TMEM30A: variants seen among roughly 807,000 people sequenced by gnomAD.
TMEM30A encodes the protein cell cycle control protein 50A.
Under a neutral mutation model 38.2 loss-of-function variants are expected in TMEM30A, and 24 were observed. That is an observed-to-expected ratio of 0.63 (90% CI 0.46 to 0.88). The LOEUF is 0.88. TMEM30A is among the 40% of genes least tolerant of loss of function. TMEM30A has a pLI of 0.00. For missense variants in TMEM30A, 370 were observed against 458.6 expected, an observed-to-expected ratio of 0.81 and a Z score of 1.77; for synonymous variants, 145 against 161.6, an observed-to-expected ratio of 0.90 and a Z score of 0.78.
chr6:75,282,679 C>G (rs1184990812), intron 1 of TMEM30A, among the ~76,000 whole-genome samples: 1 of 152,202 alleles, frequency 6.6e-6, no homozygotes, highest in Non-Finnish European at 1.5e-5. Context: ...AACTAGTTTA[C>G]TGTCAAATCT....
At position 75,284,726 on chromosome 6, in the gene TMEM30A, C is replaced by T; in HGVS notation, c.-88G>A. The T allele has an allele frequency of 7.3e-7, 1 of 1,378,804 alleles. No homozygotes were observed. 85.4% of individuals were successfully genotyped at this position (1,378,804 alleles called of 1,614,324 possible). Reference sequence around the variant, plus strand: ...CCTGACAGGAACCGCTCGAGCGCCGCTGCCGCCGCCGCCGCCGCAGCCACC... The same window carrying T: ...CCTGACAGGAACCGCTCGAGCGCCGTTGCCGCCGCCGCCGCCGCAGCCACC... On this transcript the variant is annotated 5_prime_UTR_variant, in exon 1 of 7. Transcript: ENST00000230461.
chr6:75,269,139 G>A (rs752524201), intron 1 of TMEM30A, among the ~76,000 whole-genome samples: 2 of 151,900 alleles, frequency 1.3e-5, no homozygotes, highest in Non-Finnish European at 2.9e-5. Flanking sequence ...TGCTATAATC[G>A]ACGAACCTAC....
intron 1 of TMEM30A, among the ~76,000 whole-genome samples, chr6:75,272,143 G>C (rs1392481673): frequency 2.0e-5 from 3 of 152,198 alleles, no homozygotes; most frequent in Non-Finnish European, 2.9e-5. Flanking sequence ...ACTGTTTATT[G>C]AATGTATACT....
At chr6:75,266,501 A>G (rs1456144274) in intron 2 of TMEM30A, among the ~76,000 whole-genome samples, 1 of 152,230 alleles carries the variant, frequency 6.6e-6, no homozygotes, top group Admixed American at 6.5e-5. Context: ...CTGAGATAAA[A>G]TAACCTACTT....
intron 1 of TMEM30A, among the ~76,000 whole-genome samples, chr6:75,275,061 G>A (rs180759583): frequency 1.3e-5 from 2 of 150,790 alleles, no homozygotes; most frequent in East Asian, 2.0e-4. Flanking sequence ...TGTGAACCAT[G>A]AGCAACAACA....
At chr6:75,267,280 T>C (rs753727201) in intron 2 of TMEM30A, among the ~76,000 whole-genome samples, 29 of 152,224 alleles carry the variant, frequency 1.9e-4, no homozygotes, top group Admixed American at 4.6e-4. Flanking sequence ...AAAGTAAAGC[T>C]TGCTTTAGTA....
rs1341625612 is a variant in TMEM30A at position 75,255,519 on chromosome 6, C to T, written c.*583G>A. 4 of 152,448 alleles carry T rather than the reference C, an allele frequency of 2.6e-5. No homozygotes were observed. The highest frequency in any genetic ancestry group is 5.9e-5 in the Non-Finnish European group (4 of 68,000). 9.4% of individuals were successfully genotyped at this position (152,448 alleles called of 1,614,324 possible). ...CTTATGCCAGACAAGGTAAGCGTGT[C>T]CTTTGAAATCAAAGCTAAGCTTGAC... is the stretch of plus-strand genomic sequence containing the variant. On this transcript the variant is annotated 3_prime_UTR_variant, in exon 7 of 7. Coordinates refer to ENST00000230461, the MANE Select transcript of TMEM30A (RefSeq NM_018247.4).
At position 75,258,948 on chromosome 6, in the gene TMEM30A, T is replaced by C. The variant is rs772268316; in HGVS notation, c.724A>G (p.Met242Val). 1.2e-6 allele frequency: 2 copies of C among 1,613,846 alleles called. No homozygotes were observed. Among genetic ancestry groups the C allele is most frequent in the East Asian group, 2.2e-5 (1 of 44,860 alleles). The stretch of plus-strand genomic sequence containing the variant: ...TTATTATCTGGGTCAGAATCCAGCA[T>C]GTAAACTGGTTTAAGCCAGTTCACA... ...KPVNWLKPVYMLDSDPDNNGF... is the reference protein window; with the variant it reads ...KPVNWLKPVYVLDSDPDNNGF... The change falls in exon 6 of 7, where the codon ATG (methionine) becomes GTG (valine). Residue 242 changes from methionine (M) to valine (V), a missense_variant. By Grantham distance (21) the Met-to-Val change is conservative. Transcript: ENST00000230461.
intron 6 of TMEM30A, among the ~76,000 whole-genome samples, chr6:75,257,032 T>TA (rs2149517883): frequency 6.6e-6 from 1 of 152,286 alleles, no homozygotes; most frequent in African/African-American, 2.4e-5. Context: ...AATCTAGGGT[T>TA]AGGCCCCATC....
At position 75,265,286 on chromosome 6, in the gene TMEM30A, C is replaced by A; in HGVS notation, c.398G>T (p.Arg133Leu). The A allele has an allele frequency of 6.2e-7, 1 of 1,611,662 alleles. No individual in the cohort carries two copies. Among genetic ancestry groups the A allele is most frequent in the South Asian group, 1.1e-5 (1 of 90,902 alleles). ...ACTATCATCTCGAGATTTCACGTAA[C>A]GACGATGGTTTTGATAGAAATTAGA... ...GLSNFYQNHR[R>L]YVKSRDDSQL... Residue 133 changes from arginine (R) to leucine (L), a missense_variant, in exon 3 of 7, where the codon CGT becomes CTT. By Grantham distance (102) the Arg-to-Leu change is moderately radical. Coordinates refer to ENST00000230461, the MANE Select transcript of TMEM30A (RefSeq NM_018247.4).
At chr6:75,280,227 A>G (rs938649306) in intron 1 of TMEM30A, among the ~76,000 whole-genome samples, 2 of 152,180 alleles carry the variant, frequency 1.3e-5, no homozygotes, top group African/African-American at 4.8e-5. Context: ...ATTATTGAGG[A>G]CTAGAACATG....
intron 1 of TMEM30A, among the ~76,000 whole-genome samples, chr6:75,282,938 C>T (rs1248307137): frequency 6.6e-6 from 1 of 152,048 alleles, no homozygotes; most frequent in Non-Finnish European, 1.5e-5. Context: ...TGCATGACAC[C>T]GCTTTGCCCA....
In TMEM30A at chr6:75,284,737, G is replaced by A. The variant is rs1267758013; in HGVS notation, c.-99C>T. ...CCGCTCGAGCGCCGCTGCCGCCGCCGCCGCCGCAGCCACCAGCGCCACCGC... is the reference window on the plus strand; with the variant it reads ...CCGCTCGAGCGCCGCTGCCGCCGCCACCGCCGCAGCCACCAGCGCCACCGC... On this transcript the variant is annotated 5_prime_UTR_variant, in exon 1 of 7. Transcript: ENST00000230461. 2.5e-6 allele frequency: 3 copies of A among 1,178,324 alleles called. No homozygotes were observed. The highest frequency in any genetic ancestry group is 2.5e-6 in the Non-Finnish European group (2 of 808,826). 73.0% of individuals were successfully genotyped at this position (1,178,324 alleles called of 1,614,324 possible).
At chr6:75,256,783 A>G (rs767801312) in intron 6 of TMEM30A, 2 of 481,128 alleles carry the variant, frequency 4.2e-6, no homozygotes, top group Non-Finnish European at 8.3e-6. Context: ...GCATGGTAAT[A>G]AAAAAGTTTT....
At position 75,267,702 on chromosome 6, in the gene TMEM30A, A is replaced by G. The variant is rs770469174; in HGVS notation, c.284T>C (p.Leu95Ser). 1 of 1,611,742 alleles carries G rather than the reference A, an allele frequency of 6.2e-7. No individual in the cohort carries two copies. The highest frequency in any genetic ancestry group is 1.7e-5 in the Admixed American group (1 of 59,770). Residue 95 changes from leucine (L) to serine (S), a missense_variant, in exon 2 of 7, where the codon TTA becomes TCA. Physicochemically the swap from Leu to Ser is moderately radical, Grantham distance 145. Coordinates refer to ENST00000230461, the MANE Select transcript of TMEM30A (RefSeq NM_018247.4). The part of the protein sequence containing the change: ...TEPSSPCNKC[L>S]SPDVTPCFCT... ...AAAGCAAGGTGTCACATCCGGAGAT[A>G]AACATTTATTACAGGGACTGGAAGG... is the stretch of plus-strand genomic sequence containing the variant.
intron 1 of TMEM30A, among the ~76,000 whole-genome samples, chr6:75,282,136 A>T (rs1028720477): frequency 6.6e-6 from 1 of 152,210 alleles, no homozygotes; most frequent in African/African-American, 2.4e-5. Flanking sequence ...AACCTCTTAG[A>T]CGCAGTCTAA....
rs971088593 is a variant in TMEM30A, at chr6:75,284,508, A to G, written c.131T>C (p.Ile44Thr). The G allele has an allele frequency of 6.2e-7, 1 of 1,611,588 alleles. No individual in the cohort carries two copies. ...AGGTAGCACCGTGCCAGCCGTAAGG[A>G]TGGGCTGCCAAGCTGGCAGCCGTTG... The part of the protein sequence containing the change: ...KQQRLPAWQP[I>T]LTAGTVLPIF... Residue 44 changes from isoleucine (I) to threonine (T), a missense_variant, in exon 1 of 7, where the codon ATC becomes ACC. Physicochemically the swap from Ile to Thr is moderately conservative, Grantham distance 89. Transcript: ENST00000230461.
rs1771865262 is a variant in TMEM30A, at chr6:75,256,254, A to G, written c.934T>C (p.Leu312=). The G allele has an allele frequency of 4.3e-6, 7 of 1,613,434 alleles. No individual in the cohort carries two copies. The highest frequency in any genetic ancestry group is 5.9e-6 in the Non-Finnish European group (7 of 1,179,574). The change falls in exon 7 of 7, where the codon TTG becomes CTG. Residue 312 remains leucine (L), a synonymous_variant. Coordinates refer to ENST00000230461, the MANE Select transcript of TMEM30A (RefSeq NM_018247.4). ...CCTCCCATCCATGAAATAGTGCTCA[A>G]GATCATCCGTTTTCGTCCATCAAAA... is the stretch of plus-strand genomic sequence containing the variant. ...HYFDGRKRMI[L]STISWMGGKN...
At chr6:75,284,064 C>T (rs1259131649) in intron 1 of TMEM30A, among the ~76,000 whole-genome samples, 2 of 151,430 alleles carry the variant, frequency 1.3e-5, no homozygotes, top group Non-Finnish European at 2.9e-5. Flanking sequence ...CCTCCGTGAA[C>T]AACCCCCACT....
Sources: gnomAD v4.1 joint callset for allele counts (sites outside exome capture counted in the v4.1 genomes callset) on GRCh38, gnomAD v4.1.1 for gene constraint, MANE v1.5 for transcripts, NCBI Gene and HGNC (gene_info 2026-07-23, HGNC 2026-07-21) for gene names.